GOPC: variants seen among roughly 807,000 people sequenced by gnomAD.
GOPC encodes Golgi-associated PDZ and coiled-coil motif-containing protein.
A neutral mutation model predicts 51.2 loss-of-function variants in GOPC; 32 were observed. The observed-to-expected ratio is 0.63, with a 90% CI of 0.47 to 0.84. The LOEUF (loss-of-function observed/expected upper bound fraction) is 0.84, where lower values mean the gene tolerates loss of function less well. Among genes scored for constraint, GOPC ranks in the 40% least tolerant of loss-of-function variants. The pLI, the probability that GOPC is intolerant of heterozygous loss-of-function variation, is 0.00. For synonymous variants in GOPC, 190 were observed against 205.1 expected (o/e 0.93, Z 0.63); for missense variants, 441 against 555.5 (o/e 0.79, Z 2.07).
chr6:117,575,120 C>G lies in GOPC; in HGVS notation c.650+57G>C. 4 of 1,293,254 alleles carry G rather than the reference C, an allele frequency of 3.1e-6. No homozygotes were observed. The South Asian group carries it at 5.5e-5, about 18-fold the overall frequency. 80.1% of individuals were successfully genotyped at this position (1,293,254 alleles called of 1,614,324 possible). ...AAAAAAGAAAGAAGTAAGAGTCAAC[C>G]TCATTAAATATCCAATTTGTCACTT... On this transcript the variant is annotated intron_variant, in intron 4 of 8. Transcript: ENST00000368498.
In GOPC at chr6:117,602,505, C is replaced by T. The variant is rs1041230603; in HGVS notation, c.-217G>A. ...GGCGGCGACACACGGAAGACTCAGT[C>T]AGTCCCACCTCCCAGCCTGCCCCCG... On this transcript the variant is annotated 5_prime_UTR_variant, in exon 1 of 9. Transcript: ENST00000368498. 1.7e-6 allele frequency: 1 copy of T among 584,194 alleles called. No homozygotes were observed. The highest frequency in any genetic ancestry group is 3.0e-6 in the Non-Finnish European group (1 of 328,130). The allele number at this position is 584,194 out of a possible 1,614,324, so 36.2% of individuals were successfully genotyped here.
intron 1 of GOPC, among the ~76,000 whole-genome samples, chr6:117,597,525 A>G (rs1481364261): frequency 6.6e-6 from 1 of 152,232 alleles, no homozygotes; most frequent in Non-Finnish European, 1.5e-5. Flanking sequence ...TGATTCTAGC[A>G]TAGCCATGAT....
At chr6:117,584,823 C>G (rs953093365) in intron 1 of GOPC, among the ~76,000 whole-genome samples, 5 of 151,636 alleles carry the variant, frequency 3.3e-5, no homozygotes, top group Admixed American at 6.6e-5. Context: ...TTGGTGGTAA[C>G]TGAATTCTCA....
chr6:117,571,329 T>C (rs1329311264), intron 5 of GOPC, among the ~76,000 whole-genome samples: 2 of 152,182 alleles, frequency 1.3e-5, no homozygotes, highest in African/African-American at 4.8e-5. Flanking sequence ...AGCTGAGTTG[T>C]AGAGTTGAAA....
chr6:117,589,712 A>G (rs1780087699), intron 1 of GOPC, among the ~76,000 whole-genome samples: 1 of 152,198 alleles, frequency 6.6e-6, no homozygotes, highest in South Asian at 2.1e-4. Flanking sequence ...ACCAGTTGAT[A>G]AATCTGACAA....
At chr6:117,577,708 T>G (rs1169615991) in intron 2 of GOPC, among the ~76,000 whole-genome samples, 1 of 152,124 alleles carries the variant, frequency 6.6e-6, no homozygotes, top group African/African-American at 2.4e-5. Flanking sequence ...TTCATCATAC[T>G]CTTTCAAATT....
chr6:117,601,214 G>A (rs961484714), intron 1 of GOPC, among the ~76,000 whole-genome samples: 3 of 152,104 alleles, frequency 2.0e-5, no homozygotes, highest in African/African-American at 7.2e-5. Context: ...TTTTAATAAT[G>A]TCCTTTTTAA....
chr6:117,575,640 T>C, intron 3 of GOPC: 7 of 527,348 alleles, frequency 1.3e-5, no homozygotes, highest in South Asian at 1.8e-5. Flanking sequence ...CTTCAATGGA[T>C]AGTTGAATCT....
At chr6:117,591,962 T>C (rs1468602212) in intron 1 of GOPC, among the ~76,000 whole-genome samples, 2 of 152,230 alleles carry the variant, frequency 1.3e-5, no homozygotes, top group Non-Finnish European at 2.9e-5. Context: ...ACCTTAATTA[T>C]GCAAAATATC....
At chr6:117,581,523 C>CA (rs1354808760) in intron 1 of GOPC, among the ~76,000 whole-genome samples, 1 of 150,468 alleles carries the variant, frequency 6.6e-6, no homozygotes, top group Non-Finnish European at 1.5e-5. Context: ...CCGCTCCAAT[C>CA]ACTACCTCCA....
Position 117,560,790 on chromosome 6 carries a change from C to A in GOPC, c.*2464G>T, listed in dbSNP as rs1779570367. Reference sequence around the variant, plus strand: ...CCCTCACATTTTATTAAAACGTTTTCTCAACCATTCTGTTTGTGTATACAT... The same window carrying A: ...CCCTCACATTTTATTAAAACGTTTTATCAACCATTCTGTTTGTGTATACAT... On this transcript the variant is annotated 3_prime_UTR_variant, in exon 9 of 9. Transcript: ENST00000368498. 4.7e-6 allele frequency: 1 copy of A among 211,940 alleles called. No homozygotes were observed. Among genetic ancestry groups the A allele is most frequent in the African/African-American group, 2.3e-5 (1 of 44,172 alleles). The allele number at this position is 211,940 out of a possible 1,614,324, so 13.1% of individuals were successfully genotyped here. A position where few individuals can be genotyped will look rare whatever the true frequency, so the allele number is the denominator to read the frequency against.
chr6:117,586,321 A>G (rs1393860406), intron 1 of GOPC, among the ~76,000 whole-genome samples: 1 of 152,110 alleles, frequency 6.6e-6, no homozygotes. Flanking sequence ...ACTATATTAA[A>G]TTTAATATAG....
chr6:117,563,519 C>T (rs539284266), intron 8 of GOPC, 135 bp from the exon 9 acceptor site: 12 of 737,434 alleles, frequency 1.6e-5, no homozygotes, highest in Admixed American at 9.5e-5. Flanking sequence ...GTTAGGGGTT[C>T]GAGACCAGCC....
intron 1 of GOPC, among the ~76,000 whole-genome samples, chr6:117,582,362 G>T (rs922262877): frequency 1.3e-5 from 2 of 150,452 alleles, no homozygotes; most frequent in African/African-American, 4.9e-5. Flanking sequence ...GTGTGTCCTC[G>T]GCAAAACCCC....
At chr6:117,577,795 G>A (rs991902541) in intron 2 of GOPC, among the ~76,000 whole-genome samples, 6 of 151,988 alleles carry the variant, frequency 3.9e-5, no homozygotes, top group Non-Finnish European at 8.8e-5. Flanking sequence ...CAAATAGCTC[G>A]AAGAAGCAGT....
At position 117,566,891 on chromosome 6, in the gene GOPC, A is replaced by C; in HGVS notation, c.1221T>G (p.Ser407Arg). 6.3e-7 allele frequency: 1 copy of C among 1,597,910 alleles called. No homozygotes were observed. The highest frequency in any genetic ancestry group is 8.5e-7 in the Non-Finnish European group (1 of 1,173,852). ...TGATTTCCCCACTTGTGTCTTTGCA[A>C]CTAGCACCAGGGTTACCACCTCCTT... Reference protein sequence around the residue: ...ELEGGGNPGASCKDTSGEIKV... With the variant: ...ELEGGGNPGARCKDTSGEIKV... Residue 407 changes from serine to arginine, a missense_variant, in exon 8 of 9, where the codon AGT (serine) becomes AGG (arginine). Ser to Arg is a moderately radical substitution (Grantham distance 110). This residue lies in a region of GOPC where 71 missense variants were observed against 68.8 expected (regional missense o/e 1.03). Transcript: ENST00000368498.
At chr6:117,597,853 C>T (rs1383455074) in intron 1 of GOPC, among the ~76,000 whole-genome samples, 1 of 151,160 alleles carries the variant, frequency 6.6e-6, no homozygotes, top group Non-Finnish European at 1.5e-5. Context: ...TTCACAATAG[C>T]CAAGATACGG....
At chr6:117,576,330 T>C (rs368078614) in intron 3 of GOPC, among the ~76,000 whole-genome samples, 13 of 152,182 alleles carry the variant, frequency 8.5e-5, no homozygotes, top group Admixed American at 5.9e-4. Context: ...TTCTAGATAC[T>C]GGTTTTAAAG....
chr6:117,592,393 G>A lies in GOPC; in HGVS notation c.285+9611C>T, dbSNP rs576984382. Among the ~76,000 whole-genome samples the A allele has an allele frequency of 2.6e-5, 4 of 152,140 alleles. No individual in the cohort carries two copies. The South Asian group carries it at 8.3e-4, about 32-fold the overall frequency. On this transcript the variant is annotated intron_variant, in intron 1 of 8. Transcript: ENST00000368498. Reference sequence around the variant, plus strand: ...AAAAAAAAATTACCACAAACGTGGTGGCTTAAAACAACAACATAAGTTTAT... The same window carrying A: ...AAAAAAAAATTACCACAAACGTGGTAGCTTAAAACAACAACATAAGTTTAT...
Sources: gnomAD v4.1 joint callset for allele counts (sites outside exome capture counted in the v4.1 genomes callset) on GRCh38, gnomAD v4.1.1 for gene constraint, gnomAD v4.1.1 regional missense constraint, MANE v1.5 for transcripts, NCBI Gene and HGNC (gene_info 2026-07-23, HGNC 2026-07-21) for gene names.